GRIA3: variants seen among roughly 807,000 people sequenced by gnomAD.
GRIA3 encodes the protein glutamate receptor 3.
Under a neutral mutation model 63.0 loss-of-function variants are expected in GRIA3, and 3 were observed. The ratio of observed to expected loss-of-function variants is 0.05; its 90% confidence interval spans 0.02 to 0.12. The LOEUF (loss-of-function observed/expected upper bound fraction) is 0.12, where lower values mean the gene tolerates loss of function less well. Among genes scored for constraint, GRIA3 ranks in the 10% least tolerant of loss-of-function variants. The probability of loss-of-function intolerance (pLI) is 1.00; values close to 1 mark genes in which losing one functional copy is unlikely to be tolerated. For synonymous variants in GRIA3, 274 were observed against 257.9 expected (o/e 1.06, Z -0.60); for missense variants, 347 against 700.9 (o/e 0.50, Z 5.70).
At chrX:123,225,565 T>G (rs1170678004) in intron 2 of GRIA3, among the ~76,000 whole-genome samples, 3 of 112,235 alleles carry the variant, frequency 2.7e-5, no homozygotes, top group Non-Finnish European at 5.6e-5. Context: ...AACCTGAACC[T>G]ATTACATCTT....
chrX:123,294,239 A>G (rs934612200), intron 3 of GRIA3, among the ~76,000 whole-genome samples: 22 of 111,129 alleles, frequency 2.0e-4, no homozygotes, highest in African/African-American at 7.2e-4. Context: ...CATGCAGCTA[A>G]TAGGTAGCAG....
chrX:123,471,990 C>CATAT (rs760824587), intron 13 of GRIA3, among the ~76,000 whole-genome samples: 642 of 13,394 alleles, frequency 0.048, 103 homozygotes, highest in South Asian at 0.12. Context: ...CAATGGCATT[C>CATAT]ATATATATAT....
rs1040461510 is a variant in GRIA3 at position 123,403,042 on chromosome X, C to A, written c.1129C>A (p.Arg377Ser). ...AAATATTCAATTTGACACTTATGGACGTAGGACAAATTATACCATCGATGT... is the reference window on the plus strand; with the variant it reads ...AAATATTCAATTTGACACTTATGGAAGTAGGACAAATTATACCATCGATGT... ...TGNIQFDTYG[R>S]RTNYTIDVYE... is the part of the protein sequence containing the mutation. The change falls in exon 8 of 16, where the codon CGT becomes AGT. Residue 377 changes from arginine to serine, a missense_variant. Arg to Ser is a moderately radical substitution (Grantham distance 110). Transcript: ENST00000620443. 8.5e-7 allele frequency: 1 copy of A among 1,178,148 alleles called. No individual in the cohort carries two copies. Among genetic ancestry groups the A allele is most frequent in the Non-Finnish European group, 1.2e-6 (1 of 865,881 alleles).
intron 4 of GRIA3, among the ~76,000 whole-genome samples, chrX:123,348,008 C>T (rs1026936989): frequency 1.2e-4 from 13 of 111,633 alleles, no homozygotes; most frequent in African/African-American, 3.9e-4. Context: ...AAATAACACA[C>T]ATTTGAGTAA....
intron 5 of GRIA3, among the ~76,000 whole-genome samples, chrX:123,361,544 G>A (rs770342900): frequency 1.8e-5 from 2 of 111,586 alleles, no homozygotes; most frequent in African/African-American, 6.5e-5. Flanking sequence ...AGAACACCAA[G>A]GGAATGAGGA....
intron 13 of GRIA3, among the ~76,000 whole-genome samples, chrX:123,469,995 A>G (rs1174758422): frequency 8.9e-6 from 1 of 112,297 alleles, no homozygotes; most frequent in African/African-American, 3.2e-5. Flanking sequence ...AGTTATTAAC[A>G]AACCCTACCC....
intron 3 of GRIA3, among the ~76,000 whole-genome samples, chrX:123,291,282 G>A (rs940003297): frequency 9.0e-6 from 1 of 111,312 alleles, no homozygotes; most frequent in Non-Finnish European, 1.9e-5. Flanking sequence ...AGATAACAAG[G>A]CTGCAAGTAG....
intron 3 of GRIA3, among the ~76,000 whole-genome samples, chrX:123,291,268 A>G (rs2044654281): frequency 9.0e-6 from 1 of 111,608 alleles, no homozygotes; most frequent in Non-Finnish European, 1.9e-5. Context: ...ATATGTATCT[A>G]TTAAGATAAC....
At chrX:123,454,512 C>A (rs2045751314) in intron 12 of GRIA3, among the ~76,000 whole-genome samples, 2 of 110,952 alleles carry the variant, frequency 1.8e-5, no homozygotes, top group Non-Finnish European at 3.8e-5. Context: ...AGTTTCTCAA[C>A]CTTAGCACCG....
At chrX:123,392,576 T>C (rs978802400) in intron 5 of GRIA3, among the ~76,000 whole-genome samples, 2 of 111,552 alleles carry the variant, frequency 1.8e-5, no homozygotes, top group Admixed American at 9.5e-5. Context: ...GGAGTCCACA[T>C]TGAGAATATG....
At chrX:123,232,445 G>A (rs1426695022) in intron 2 of GRIA3, among the ~76,000 whole-genome samples, 1 of 111,613 alleles carries the variant, frequency 9.0e-6, no homozygotes, top group Non-Finnish European at 1.9e-5. Flanking sequence ...AGGGGATAAG[G>A]GAAGAGGGAA....
intron 5 of GRIA3, among the ~76,000 whole-genome samples, chrX:123,371,354 G>C (rs1211738945): frequency 1.8e-5 from 2 of 110,366 alleles, no homozygotes; most frequent in East Asian, 2.9e-4. Context: ...TGGGAGTGCA[G>C]GTATCTCTTT....
chrX:123,425,156 G>T (rs1002051582), intron 11 of GRIA3, among the ~76,000 whole-genome samples: 2 of 111,647 alleles, frequency 1.8e-5, no homozygotes, highest in Non-Finnish European at 3.8e-5. Flanking sequence ...GAGAAAATTT[G>T]TACCTTCTAT....
chrX:123,479,097 G>T (rs1274482364), intron 13 of GRIA3, among the ~76,000 whole-genome samples: 2 of 113,119 alleles, frequency 1.8e-5, no homozygotes, highest in Non-Finnish European at 3.7e-5. Context: ...AAGGACTAAG[G>T]AGCAGTGGCC....
At chrX:123,286,664 A>T (rs1341256850) in intron 3 of GRIA3, among the ~76,000 whole-genome samples, 1 of 111,924 alleles carries the variant, frequency 8.9e-6, no homozygotes, top group Non-Finnish European at 1.9e-5. Flanking sequence ...GAAAATCTAG[A>T]TGAAATGGAT....
At chrX:123,240,252 C>T (rs896701945) in intron 2 of GRIA3, among the ~76,000 whole-genome samples, 10 of 112,318 alleles carry the variant, frequency 8.9e-5, no homozygotes, top group Non-Finnish European at 1.7e-4. Context: ...GCCAGAACAA[C>T]CTCCCAAACC....
At chrX:123,290,401 A>C (rs1258028025) in intron 3 of GRIA3, among the ~76,000 whole-genome samples, 2 of 111,615 alleles carry the variant, frequency 1.8e-5, no homozygotes, top group Admixed American at 1.9e-4. Flanking sequence ...TCTCAATACA[A>C]TTCCACACAG....
chrX:123,332,647 T>A (rs2044949126), intron 4 of GRIA3, among the ~76,000 whole-genome samples: 1 of 111,177 alleles, frequency 9.0e-6, no homozygotes, highest in African/African-American at 3.3e-5. Flanking sequence ...TACCCTCATA[T>A]CTTTTGCCTT....
intron 12 of GRIA3, among the ~76,000 whole-genome samples, chrX:123,438,241 A>G (rs2045655681): frequency 8.9e-6 from 1 of 112,067 alleles, no homozygotes; most frequent in Admixed American, 9.5e-5. Context: ...ATGGAACAAT[A>G]TGTCCTTTTG....
Sources: allele counts gnomAD v4.1 joint callset (sites outside exome capture counted in the v4.1 genomes callset), GRCh38; gene constraint gnomAD v4.1.1; transcripts MANE v1.5; gene names NCBI Gene and HGNC (gene_info 2026-07-23, HGNC 2026-07-21).